RUVBL1: variants seen among roughly 807,000 people sequenced by gnomAD.
RUVBL1 encodes ruvB-like 1.
RUVBL1 carries 4 observed loss-of-function variants against 52.4 expected under a neutral mutation model. The observed-to-expected ratio is 0.08, with a 90% CI of 0.04 to 0.17. RUVBL1 has a LOEUF of 0.17. RUVBL1 is among the 10% of genes least tolerant of loss of function. RUVBL1 has a pLI of 1.00. For synonymous variants in RUVBL1, 217 were observed against 214.4 expected (o/e 1.01, Z -0.10); for missense variants, 298 against 572.8 (o/e 0.52, Z 4.90).
chr3:128,150,800 A>C (rs1181982989), intron 1 of RUVBL1, among the ~76,000 whole-genome samples: 18 of 100,928 alleles, frequency 1.8e-4, no homozygotes, highest in Admixed American at 1.1e-3. Context: ...TCTATATATT[A>C]TATATTCTAT....
chr3:128,107,047 A>C (rs943008769), intron 3 of RUVBL1, among the ~76,000 whole-genome samples: 6 of 152,316 alleles, frequency 3.9e-5, no homozygotes, highest in African/African-American at 1.2e-4. Context: ...AAAATTACCA[A>C]GTCTACTTTA....
intron 1 of RUVBL1, among the ~76,000 whole-genome samples, chr3:128,153,040 C>G (rs1403230751): frequency 8.3e-6 from 1 of 120,274 alleles, no homozygotes; most frequent in Non-Finnish European, 1.7e-5. Context: ...TTTGTCCTAT[C>G]AGAGCGCCCT....
At chr3:128,064,942 C>T in exon 10 of RUVBL1, 3 of 1,614,132 alleles carry the variant, frequency 1.9e-6, no homozygotes, top group Non-Finnish European at 2.5e-6. Context: ...AGACAAGGTC[C>T]GAGCCCTTCG....
At chr3:128,103,825 A>G (rs1298964200) in intron 4 of RUVBL1, among the ~76,000 whole-genome samples, 1 of 152,222 alleles carries the variant, frequency 6.6e-6, no homozygotes, top group African/African-American at 2.4e-5. Flanking sequence ...AATGACAATA[A>G]ATGTTTGTTG....
chr3:128,121,256 C>T (rs1014727183), intron 1 of RUVBL1, among the ~76,000 whole-genome samples: 2 of 151,522 alleles, frequency 1.3e-5, no homozygotes, highest in Non-Finnish European at 2.9e-5. Flanking sequence ...CCACCACACC[C>T]GGCTAATTTT....
At chr3:128,092,890 A>T (rs184107544) in intron 8 of RUVBL1, among the ~76,000 whole-genome samples, 2 of 152,268 alleles carry the variant, frequency 1.3e-5, no homozygotes, top group Non-Finnish European at 2.9e-5. Context: ...AAAATGTTGT[A>T]CATAGGCCAG....
At chr3:128,097,677 G>C (rs1186977597) in intron 7 of RUVBL1, among the ~76,000 whole-genome samples, 179 bp from the exon 8 acceptor site, 1 of 152,176 alleles carries the variant, frequency 6.6e-6, no homozygotes, top group Non-Finnish European at 1.5e-5. Flanking sequence ...TCTGAACACA[G>C]TGATAATCAC....
chr3:128,139,893 G>A (rs1943994489), intron 1 of RUVBL1, among the ~76,000 whole-genome samples: 1 of 152,188 alleles, frequency 6.6e-6, no homozygotes, highest in Non-Finnish European at 1.5e-5. Context: ...GAAGGGTAGT[G>A]GGGATGCGGA....
At chr3:128,137,063 T>A (rs771308176) in intron 1 of RUVBL1, among the ~76,000 whole-genome samples, 4 of 152,074 alleles carry the variant, frequency 2.6e-5, no homozygotes, top group Admixed American at 6.5e-5. Flanking sequence ...TTCTTAAGGA[T>A]AGACCACGTT....
At chr3:128,105,111 C>CT (rs34719630) in intron 3 of RUVBL1, among the ~76,000 whole-genome samples, 187 bp from the exon 4 acceptor site, 3,439 of 134,032 alleles carry the variant, frequency 0.026, 89 homozygotes, top group African/African-American at 0.063. Flanking sequence ...AGAAATGCAA[C>CT]TTTTTTTTTT....
At chr3:128,090,363 C>CA (rs1223297826) in intron 8 of RUVBL1, among the ~76,000 whole-genome samples, 2 of 151,974 alleles carry the variant, frequency 1.3e-5, no homozygotes, top group African/African-American at 4.8e-5. Flanking sequence ...ACTAAAAATA[C>CA]AAAAAATTAG....
downstream of RUVBL1, among the ~76,000 whole-genome samples, chr3:128,079,293 C>T (rs1942409646): frequency 1.3e-5 from 2 of 152,224 alleles, no homozygotes; most frequent in African/African-American, 4.8e-5. Flanking sequence ...CTGCTAAATG[C>T]CAACACAGAA....
chr3:128,144,215 G>A (rs1019293393), intron 1 of RUVBL1, among the ~76,000 whole-genome samples: 3 of 152,106 alleles, frequency 2.0e-5, no homozygotes, highest in Admixed American at 6.5e-5. Context: ...AGAGAAAAGG[G>A]AAATTTCCAT....
chr3:128,129,570 A>G (rs1191964311), intron 1 of RUVBL1, among the ~76,000 whole-genome samples: 2 of 152,342 alleles, frequency 1.3e-5, no homozygotes, highest in East Asian at 3.9e-4. Context: ...AAAAGAAACA[A>G]TAAAGATTAG....
chr3:128,087,772 A>T lies in RUVBL1; in HGVS notation c.1053T>A (p.Pro351=), dbSNP rs1942694108. The T allele has an allele frequency of 1.2e-6, 2 of 1,609,744 alleles. No individual in the cohort carries two copies. Among genetic ancestry groups the T allele is most frequent in the Non-Finnish European group, 1.7e-6 (2 of 1,177,552 alleles). ...TEDITSPHGI[P]LDLLDRVMII... ...TCATCACTCGGTCCAGAAGGTCAAG[A>T]GGGATGCCGTGAGGGGATGTGATGT... is the stretch of plus-strand genomic sequence containing the variant. Residue 351 remains proline (P), a synonymous_variant, in exon 9 of 11, where the codon CCT becomes CCA. Coordinates refer to ENST00000322623, the MANE Select transcript of RUVBL1 (RefSeq NM_003707.3).
chr3:128,109,487 T>G (rs1943326293), intron 3 of RUVBL1, among the ~76,000 whole-genome samples: 1 of 152,090 alleles, frequency 6.6e-6, no homozygotes, highest in Non-Finnish European at 1.5e-5. Context: ...GCTCAAGCGA[T>G]TCTCATGTCT....
At chr3:128,113,170 T>C (rs901712492) in intron 2 of RUVBL1, 150 bp from the exon 3 acceptor site, 1 of 861,278 alleles carries the variant, frequency 1.2e-6, no homozygotes, top group African/African-American at 1.7e-5. Context: ...TTGATGACTT[T>C]TGTGGACAGT....
At chr3:128,121,182 A>G (rs138573550) in intron 1 of RUVBL1, among the ~76,000 whole-genome samples, 21,399 of 151,144 alleles carry the variant, frequency 0.14, 1,703 homozygotes, top group African/African-American at 0.21. Context: ...TGCAACCTCC[A>G]CCTCCCAGGT....
chr3:128,067,388 G>A lies in RUVBL1; in HGVS notation c.940-2168C>T, dbSNP rs374485688. 1.9e-6 allele frequency: 3 copies of A among 1,586,168 alleles called. No homozygotes were observed. The highest frequency in any genetic ancestry group is 1.7e-6 in the Non-Finnish European group (2 of 1,167,010). On this transcript the variant is annotated intron_variant, in intron 9 of 9. Coordinates refer to the RUVBL1 transcript ENST00000464873. The surrounding 1 kb of genome is among the most constrained non-coding windows in gnomAD (Gnocchi z 4.1). ...CTTGATGCTAAAGTAAAATGAAGGA[G>A]CACTCACATGCGTTTGGTTTCTTCT...
Sources: allele counts gnomAD v4.1 joint callset (sites outside exome capture counted in the v4.1 genomes callset), GRCh38; gene constraint gnomAD v4.1.1; non-coding constraint Gnocchi (gnomAD v3.1); transcripts MANE v1.5; gene names NCBI Gene and HGNC (gene_info 2026-07-23, HGNC 2026-07-21).